Variants in PRKG1 observed in about 807,000 individuals in gnomAD.
PRKG1 encodes cGMP-dependent protein kinase 1.
A neutral mutation model predicts 88.1 loss-of-function variants in PRKG1; 35 were observed. The observed-to-expected ratio is 0.40, with a 90% CI of 0.30 to 0.53. The LOEUF (loss-of-function observed/expected upper bound fraction) is 0.53, where lower values mean the gene tolerates loss of function less well. PRKG1 is among the 20% of genes least tolerant of loss of function. The pLI is 0.59. For synonymous variants in PRKG1, 303 were observed against 292.5 expected (o/e 1.04, Z -0.37); for missense variants, 540 against 839.8 (o/e 0.64, Z 4.41).
intron 2 of PRKG1, among the ~76,000 whole-genome samples, chr10:51,269,262 T>G (rs1564663057): frequency 2.0e-5 from 3 of 152,302 alleles, no homozygotes; most frequent in Non-Finnish European, 4.4e-5. Flanking sequence ...GGGAATACTT[T>G]TACACTGCTA....
intron 3 of PRKG1, among the ~76,000 whole-genome samples, chr10:51,580,100 G>T (rs1837993806): frequency 1.3e-5 from 2 of 152,042 alleles, no homozygotes; most frequent in Non-Finnish European, 2.9e-5. Context: ...ACAAAATATA[G>T]TGTTTGTGAG....
intron 5 of PRKG1, among the ~76,000 whole-genome samples, chr10:52,013,524 G>A (rs11000459): frequency 0.24 from 37,221 of 152,134 alleles, 4,768 homozygotes; most frequent in East Asian, 0.32. Context: ...TCTTGAATGG[G>A]TGGAACTCTT....
intron 12 of PRKG1, among the ~76,000 whole-genome samples, chr10:52,278,698 C>T (rs1841930410): frequency 6.6e-6 from 1 of 151,980 alleles, no homozygotes; most frequent in Admixed American, 6.6e-5. Flanking sequence ...GAGGCCAAGG[C>T]AGGTGGATCA....
At chr10:52,076,620 A>C (rs987303963) in intron 7 of PRKG1, among the ~76,000 whole-genome samples, 1 of 152,204 alleles carries the variant, frequency 6.6e-6, no homozygotes, top group Non-Finnish European at 1.5e-5. Flanking sequence ...TTTTTGACAA[A>C]CACTATTTAA....
chr10:51,842,882 A>G (rs1840312602), intron 4 of PRKG1, among the ~76,000 whole-genome samples: 1 of 151,940 alleles, frequency 6.6e-6, no homozygotes, highest in African/African-American at 2.4e-5. Context: ...AATATTTCTT[A>G]CCTAGTGTTA....
chr10:51,370,026 T>C (rs1842668322), intron 2 of PRKG1, among the ~76,000 whole-genome samples: 1 of 152,158 alleles, frequency 6.6e-6, no homozygotes, highest in Non-Finnish European at 1.5e-5. Flanking sequence ...TGCTGCCTTC[T>C]GGTGTTTGCC....
chr10:52,072,443 T>C (rs1267494540), intron 7 of PRKG1, among the ~76,000 whole-genome samples: 1 of 152,098 alleles, frequency 6.6e-6, no homozygotes, highest in Non-Finnish European at 1.5e-5. Flanking sequence ...AAATAATTGA[T>C]GTACTAGGTG....
At chr10:51,400,497 C>G (rs868026569) in intron 2 of PRKG1, among the ~76,000 whole-genome samples, 2 of 152,288 alleles carry the variant, frequency 1.3e-5, no homozygotes, top group African/African-American at 2.4e-5. Flanking sequence ...AATACAAGTT[C>G]AAACTCCAGG....
intron 3 of PRKG1, among the ~76,000 whole-genome samples, chr10:51,728,387 T>C (rs998160189): frequency 6.6e-6 from 1 of 151,888 alleles, no homozygotes; most frequent in Non-Finnish European, 1.5e-5. Context: ...AGAAGTTTCT[T>C]TGAAATTAGC....
chr10:51,369,521 G>T (rs1374302102), intron 2 of PRKG1, among the ~76,000 whole-genome samples: 5 of 152,082 alleles, frequency 3.3e-5, no homozygotes, highest in African/African-American at 1.2e-4. Flanking sequence ...GTAAACAAAG[G>T]TTGAACACCA....
chr10:51,026,612 G>C (rs1167874505), intron 1 of PRKG1, among the ~76,000 whole-genome samples: 3 of 152,148 alleles, frequency 2.0e-5, no homozygotes, highest in African/African-American at 7.2e-5. Context: ...CAGGCTCTGT[G>C]CTGAGATGTG....
In PRKG1 at chr10:51,773,845, G is replaced by A. The variant is rs1026916991; in HGVS notation, c.593-30740G>A. ...TACTTAAGTATTACACAGCTGGTGTGATGCAGAGCTAGATCTGATTCAGAA... is the reference window on the plus strand; with the variant it reads ...TACTTAAGTATTACACAGCTGGTGTAATGCAGAGCTAGATCTGATTCAGAA... On this transcript the variant is annotated intron_variant, in intron 3 of 17. Transcript: ENST00000373980. Among the ~76,000 whole-genome samples, 29 of 152,058 alleles carry A rather than the reference G, an allele frequency of 1.9e-4. 2 individuals are homozygous for A. Among genetic ancestry groups the A allele is most frequent in the Admixed American group, 1.8e-3 (27 of 15,248 alleles).
chr10:51,207,804 G>C (rs537718876), intron 2 of PRKG1, among the ~76,000 whole-genome samples: 7 of 152,074 alleles, frequency 4.6e-5, no homozygotes, highest in African/African-American at 1.7e-4. Flanking sequence ...TCTACTACTT[G>C]GTTGTTTTCA....
At chr10:51,806,828 AAAC>A in intron 4 of PRKG1, among the ~76,000 whole-genome samples, 1 of 152,112 alleles carries the variant, frequency 6.6e-6, no homozygotes, top group East Asian at 1.9e-4. Context: ...CCTGCAAACC[AAAC>A]AATTCCATGT....
intron 4 of PRKG1, among the ~76,000 whole-genome samples, chr10:51,886,413 T>C (rs551317148): frequency 1.3e-5 from 2 of 152,332 alleles, no homozygotes; most frequent in East Asian, 3.9e-4. Context: ...TGCATGCACA[T>C]TTTATTTTCC....
At chr10:51,179,392 G>A (rs1219774286) in intron 2 of PRKG1, among the ~76,000 whole-genome samples, 1 of 152,178 alleles carries the variant, frequency 6.6e-6, no homozygotes, top group African/African-American at 2.4e-5. Context: ...ATTTAGAGAA[G>A]GTTATAGGAT....
At chr10:51,572,490 T>G (rs1304116093) in intron 3 of PRKG1, among the ~76,000 whole-genome samples, 1 of 151,842 alleles carries the variant, frequency 6.6e-6, no homozygotes, top group Non-Finnish European at 1.5e-5. Flanking sequence ...GAAAGATGCC[T>G]TAGACATTAT....
At chr10:51,597,955 T>TA (rs1039548262) in intron 3 of PRKG1, among the ~76,000 whole-genome samples, 14 of 152,230 alleles carry the variant, frequency 9.2e-5, no homozygotes, top group South Asian at 2.1e-4. Context: ...AAGTTGATTT[T>TA]AAAAAAACTC....
At chr10:50,992,023 C>G (rs1167255817) in intron 1 of PRKG1, among the ~76,000 whole-genome samples, 1 of 152,076 alleles carries the variant, frequency 6.6e-6, no homozygotes, top group Non-Finnish European at 1.5e-5. Context: ...CCAACCCTGC[C>G]CATCCAGGGG....
Sources: gnomAD v4.1 joint callset for allele counts (sites outside exome capture counted in the v4.1 genomes callset) on GRCh38, gnomAD v4.1.1 for gene constraint, MANE v1.5 for transcripts, NCBI Gene and HGNC (gene_info 2026-07-23, HGNC 2026-07-21) for gene names.